Variants in LRCH3 observed in about 807,000 individuals in gnomAD.
LRCH3 encodes leucine rich repeats and calponin homology domain containing 3, also known as DISP complex protein LRCH3.
A neutral mutation model predicts 104.5 loss-of-function variants in LRCH3; 68 were observed. The observed-to-expected ratio is 0.65, with a 90% CI of 0.54 to 0.80. The LOEUF is 0.80. Among genes scored for constraint, LRCH3 ranks in the 30% least tolerant of loss-of-function variants. LRCH3 has a pLI of 0.00. For synonymous variants in LRCH3, 344 were observed against 361.3 expected, an observed-to-expected ratio of 0.95 and a Z score of 0.54; for missense variants, 951 against 953.9, an observed-to-expected ratio of 1.00 and a Z score of 0.04.
chr3:197,861,786 T>C (rs1740914788), intron 15 of LRCH3, among the ~76,000 whole-genome samples: 1 of 152,182 alleles, frequency 6.6e-6, no homozygotes, highest in Non-Finnish European at 1.5e-5. Flanking sequence ...TCTTAACCTT[T>C]TTTTTGCTCT....
intron 1 of LRCH3, among the ~76,000 whole-genome samples, chr3:197,793,348 A>G (rs1489536429): frequency 6.6e-6 from 1 of 152,186 alleles, no homozygotes; most frequent in Non-Finnish European, 1.5e-5. Context: ...TTTCTTGCTA[A>G]GGTAAATATG....
chr3:197,812,926 G>T (rs542630145), intron 1 of LRCH3, among the ~76,000 whole-genome samples: 35 of 152,212 alleles, frequency 2.3e-4, no homozygotes, highest in Non-Finnish European at 4.3e-4. Context: ...ATATACTTCC[G>T]TGTTTGATTT....
intron 1 of LRCH3, among the ~76,000 whole-genome samples, chr3:197,797,851 C>A (rs1253832772): frequency 2.4e-5 from 3 of 126,544 alleles, no homozygotes; most frequent in African/African-American, 8.9e-5. Flanking sequence ...CAGAGCGAGA[C>A]TCCATCTCAA....
In LRCH3 at chr3:197,881,045, G is replaced by A. The variant is rs1713716323; in HGVS notation, c.2209-2496G>A. ...TGAACTTGTACTTCGAATATGACAT[G>A]TAGAGCTTTATTTCCAAGTCACACA... On this transcript the variant is annotated intron_variant, in intron 20 of 20. Transcript: ENST00000425562. 3.5e-6 allele frequency: 4 copies of A among 1,144,290 alleles called. No homozygotes were observed. The South Asian group carries it at 9.6e-5, about 28-fold the overall frequency. 70.9% of individuals were successfully genotyped at this position (1,144,290 alleles called of 1,614,324 possible).
At chr3:197,878,591 C>T (rs565073617) in intron 20 of LRCH3, among the ~76,000 whole-genome samples, 1 of 152,320 alleles carries the variant, frequency 6.6e-6, no homozygotes, top group Non-Finnish European at 1.5e-5. Flanking sequence ...TCCTTCTCCC[C>T]TTCCACCTCC....
chr3:197,814,868 C>T, intron 1 of LRCH3, 40 bp from the exon 2 acceptor site: 1 of 1,518,218 alleles, frequency 6.6e-7, no homozygotes, highest in East Asian at 2.4e-5. Flanking sequence ...AAAATAAGTT[C>T]CAAGGACTGA....
chr3:197,883,163 G>A lies in LRCH3; in HGVS notation c.2209-378G>A, dbSNP rs565598920. 133 of 991,618 alleles carry A rather than the reference G, an allele frequency of 1.3e-4. No homozygotes were observed. The Middle Eastern group carries it at 2.1e-3, about 16-fold the overall frequency. 61.4% of individuals were successfully genotyped at this position (991,618 alleles called of 1,614,324 possible). On this transcript the variant is annotated intron_variant, in intron 20 of 20. Coordinates refer to ENST00000425562, the MANE Select transcript of LRCH3 (RefSeq NM_001365715.1). The surrounding 1 kb of genome is among the most constrained non-coding windows in gnomAD (Gnocchi z 4.2). ...TTTTACTCTTGAGCCATCTGGTAGC[G>A]TGGAATTGTTTTTCTATTTTTCACC...
At chr3:197,816,603 C>T (rs1023520534) in intron 2 of LRCH3, among the ~76,000 whole-genome samples, 1 of 152,088 alleles carries the variant, frequency 6.6e-6, no homozygotes, top group Non-Finnish European at 1.5e-5. Context: ...TATTATTTTA[C>T]TTTTAGTTCT....
At chr3:197,820,563 C>T in intron 4 of LRCH3, 133 bp downstream of exon 4, 2 of 627,272 alleles carry the variant, frequency 3.2e-6, no homozygotes, top group Non-Finnish European at 5.5e-6. Flanking sequence ...GTAATGCCAA[C>T]ACTTTGGGAG....
In LRCH3 at chr3:197,832,276, A is replaced by G; in HGVS notation, c.1061A>G (p.Tyr354Cys). 1 of 1,614,016 alleles carries G rather than the reference A, an allele frequency of 6.2e-7. No individual in the cohort carries two copies. The highest frequency in any genetic ancestry group is 8.5e-7 in the Non-Finnish European group (1 of 1,179,868). The change falls in exon 8 of 21, where the codon TAC (tyrosine) becomes TGC (cysteine). Residue 354 changes from tyrosine to cysteine, a missense_variant. By Grantham distance (194) the Tyr-to-Cys change is radical. Coordinates refer to ENST00000425562, the MANE Select transcript of LRCH3 (RefSeq NM_001365715.1). The stretch of plus-strand genomic sequence containing the variant: ...CAAAGACTACGAAGAGAAAGCCAGT[A>G]CCAAGAGAACCGCGGCAGTTTGGTA... ...KEQRLRRESQ[Y>C]QENRGSLVVT... is the part of the protein sequence containing the mutation.
intron 2 of LRCH3, among the ~76,000 whole-genome samples, chr3:197,816,872 T>C: frequency 6.6e-6 from 1 of 152,170 alleles, no homozygotes; most frequent in East Asian, 1.9e-4. Context: ...TAATACTATG[T>C]TTATGTAGTA....
intron 10 of LRCH3, among the ~76,000 whole-genome samples, chr3:197,845,899 G>T (rs574864177): frequency 7.0e-4 from 106 of 152,280 alleles, no homozygotes; most frequent in African/African-American, 2.6e-3. Flanking sequence ...GCAAGACTCT[G>T]TCTCAAAACA....
intron 5 of LRCH3, among the ~76,000 whole-genome samples, chr3:197,828,780 T>C (rs1426422354): frequency 6.7e-6 from 1 of 149,200 alleles, no homozygotes; most frequent in Non-Finnish European, 1.5e-5. Flanking sequence ...CGATCTCGGC[T>C]TACTGCAGCC....
intron 20 of LRCH3, among the ~76,000 whole-genome samples, chr3:197,879,567 A>AC (rs1225298233): frequency 2.6e-5 from 4 of 151,818 alleles, no homozygotes; most frequent in African/African-American, 7.3e-5. Flanking sequence ...AATGGCGGGA[A>AC]CCCGGGAGGC....
At chr3:197,813,510 A>ATTTTTTTTTTTTTTTTT (rs57062885) in intron 1 of LRCH3, among the ~76,000 whole-genome samples, 2 of 66,032 alleles carry the variant, frequency 3.0e-5, no homozygotes, top group African/African-American at 4.7e-5. Flanking sequence ...GAGGCATATA[A>ATTTTTTTTTTTTTTTTT]TTTTTTTTTT....
intron 14 of LRCH3, among the ~76,000 whole-genome samples, chr3:197,857,827 G>C (rs1262134252): frequency 6.6e-6 from 1 of 152,070 alleles, no homozygotes; most frequent in Non-Finnish European, 1.5e-5. Context: ...GATAGATTTT[G>C]TGATACATAT....
At position 197,817,360 on chromosome 3, in the gene LRCH3, G is replaced by A. The variant is rs375750226; in HGVS notation, c.534+58G>A. 454 of 89,030 alleles carry A rather than the reference G, an allele frequency of 5.1e-3. 9 individuals carry two copies. The highest frequency in any genetic ancestry group is 9.9e-3 in the Middle Eastern group (3 of 302). 5.5% of individuals were successfully genotyped at this position (89,030 alleles called of 1,614,324 possible). A position where few individuals can be genotyped will look rare whatever the true frequency, so the allele number is the denominator to read the frequency against. ...TGTGTGTGTGTCTGTGTGTGTGTGT[G>A]TATATATATATATATATATGAAACC... is the stretch of plus-strand genomic sequence containing the variant. On this transcript the variant is annotated intron_variant, in intron 3 of 20. Coordinates refer to ENST00000425562, the MANE Select transcript of LRCH3 (RefSeq NM_001365715.1).
Position 197,791,430 on chromosome 3 carries a change from G to A in LRCH3, c.152G>A (p.Arg51Gln). Residue 51 changes from arginine to glutamine, a missense_variant, in exon 1 of 21, where the codon CGA becomes CAA. Physicochemically the swap from Arg to Gln is conservative, Grantham distance 43. Coordinates refer to ENST00000425562, the MANE Select transcript of LRCH3 (RefSeq NM_001365715.1). The part of the protein sequence containing the change: ...GPGSWSRSLD[R>Q]ALEEAAVTGV... ...GGCTCGTGGAGCCGCTCTCTCGATC[G>A]AGCCCTGGAGGAGGCGGCGGTCACT... The A allele has an allele frequency of 1.3e-6, 2 of 1,594,974 alleles. No homozygotes were observed. Among genetic ancestry groups the A allele is most frequent in the Non-Finnish European group, 1.7e-6 (2 of 1,172,218 alleles).
At chr3:197,875,150 C>T (rs570762541) in intron 19 of LRCH3, among the ~76,000 whole-genome samples, 4 of 152,164 alleles carry the variant, frequency 2.6e-5, no homozygotes, top group East Asian at 1.9e-4. Flanking sequence ...AGGCTGGTCT[C>T]GAACTCCCGA....
Sources: gnomAD v4.1 joint callset for allele counts (sites outside exome capture counted in the v4.1 genomes callset) on GRCh38, gnomAD v4.1.1 for gene constraint, Gnocchi (gnomAD v3.1) non-coding constraint, MANE v1.5 for transcripts, NCBI Gene and HGNC (gene_info 2026-07-23, HGNC 2026-07-21) for gene names.